The following ADAMTS9 variants were observed in gnomAD, a reference collection of about 807,000 sequenced individuals.
ADAMTS9 encodes ADAM metallopeptidase with thrombospondin type 1 motif 9, also known as A disintegrin and metalloproteinase with thrombospondin motifs 9.
Under a neutral mutation model 257.1 loss-of-function variants are expected in ADAMTS9, and 107 were observed. The ratio of observed to expected loss-of-function variants is 0.42; its 90% confidence interval spans 0.36 to 0.49. ADAMTS9 has a LOEUF of 0.49. ADAMTS9 is among the 20% of genes least tolerant of loss of function. ADAMTS9 has a pLI of 0.03. For missense variants in ADAMTS9, 2,353 were observed against 2,469.1 expected, an observed-to-expected ratio of 0.95 and a Z score of 1.00; for synonymous variants, 982 against 880.9, an observed-to-expected ratio of 1.11 and a Z score of -2.03.
chr3:64,670,710 C>G (rs1396006477), intron 3 of ADAMTS9, among the ~76,000 whole-genome samples: 1 of 152,132 alleles, frequency 6.6e-6, no homozygotes, highest in South Asian at 2.1e-4. Flanking sequence ...GGCTGAAAGA[C>G]TTGAACAGAC....
intron 8 of ADAMTS9, among the ~76,000 whole-genome samples, chr3:64,653,942 G>A (rs943424899): frequency 1.3e-5 from 2 of 151,788 alleles, no homozygotes; most frequent in African/African-American, 4.8e-5. Context: ...GTCTGGATTT[G>A]TAAAAATCTT....
intron 12 of ADAMTS9, among the ~76,000 whole-genome samples, chr3:64,635,573 A>C (rs9837200): frequency 0.53 from 80,673 of 151,956 alleles, 22,640 homozygotes; most frequent in African/African-American, 0.72. Context: ...AATCTCCTTC[A>C]TATCTTGTCC....
In ADAMTS9 at chr3:64,538,828, C is replaced by CT. The variant is rs973059765; in HGVS notation, c.5613+374dup. ...ATTGACAAATGTTACAAAGCAGGAC[C>CT]TTTTTTTTTTAGAAGTGTCAGTCAT... On this transcript the variant is annotated intron_variant, in intron 37 of 39. Coordinates refer to ENST00000498707, the MANE Select transcript of ADAMTS9 (RefSeq NM_182920.2). 1.5e-3 allele frequency among the ~76,000 whole-genome samples: 223 copies of CT among 148,114 alleles called. 1 individual carries two copies. Among genetic ancestry groups the CT allele is most frequent in the Middle Eastern group, 3.5e-3 (1 of 284 alleles).
At chr3:64,655,551 T>A in intron 6 of ADAMTS9, 25 bp downstream of exon 6, 2 of 1,566,972 alleles carry the variant, frequency 1.3e-6, no homozygotes, top group South Asian at 2.2e-5. Context: ...GACTGAAAGA[T>A]CTGAGGAATA....
At chr3:64,659,546 G>A (rs1317578842) in intron 3 of ADAMTS9, among the ~76,000 whole-genome samples, 1 of 151,504 alleles carries the variant, frequency 6.6e-6, no homozygotes, top group African/African-American at 2.4e-5. Context: ...AATACAAAGA[G>A]GTCTGAGAAG....
Position 64,550,963 on chromosome 3 carries a change from G to A in ADAMTS9, c.4798C>T (p.Arg1600Trp), listed in dbSNP as rs746159542. 44 of 1,614,020 alleles carry A rather than the reference G, an allele frequency of 2.7e-5. No homozygotes were observed. Among genetic ancestry groups the A allele is most frequent in the East Asian group, 4.5e-5 (2 of 44,870 alleles). The change falls in exon 31 of 40, where the codon CGG (arginine) becomes TGG (tryptophan). Residue 1600 changes from arginine (R) to tryptophan (W), a missense_variant. By Grantham distance (101) the Arg-to-Trp change is moderately radical. This residue lies in a region of ADAMTS9 where 1,402 missense variants were observed against 1,441.4 expected (regional missense o/e 0.97). Transcript: ENST00000498707. Reference sequence around the variant, plus strand: ...CTACAGCTTTCACGGTCCACCGGCCGCTTGCTCACGTCACAGCGTGCCCCA... The same window carrying A: ...CTACAGCTTTCACGGTCCACCGGCCACTTGCTCACGTCACAGCGTGCCCCA... ...VHGARCDVSKRPVDRESCSLQ... is the reference protein window; with the variant it reads ...VHGARCDVSKWPVDRESCSLQ...
intron 2 of ADAMTS9, among the ~76,000 whole-genome samples, chr3:64,682,989 TAAAAGC>T (rs1241599936): frequency 6.6e-6 from 1 of 152,224 alleles, no homozygotes; most frequent in Non-Finnish European, 1.5e-5. Flanking sequence ...TTTTTTGTTT[TAAAAGC>T]TCTCCACATG....
At chr3:64,637,090 A>G (rs1428972435) in intron 12 of ADAMTS9, among the ~76,000 whole-genome samples, 1 of 152,110 alleles carries the variant, frequency 6.6e-6, no homozygotes, top group Non-Finnish European at 1.5e-5. Context: ...GCAGGTTACA[A>G]TTTCTTCCTT....
At chr3:64,543,498 C>A (rs1215112356) in intron 32 of ADAMTS9, among the ~76,000 whole-genome samples, 1 of 152,218 alleles carries the variant, frequency 6.6e-6, no homozygotes, top group African/African-American at 2.4e-5. Context: ...ATCATACGAA[C>A]AGAACCAAAC....
At chr3:64,643,886 G>A (rs980931483) in intron 11 of ADAMTS9, among the ~76,000 whole-genome samples, 1 of 151,936 alleles carries the variant, frequency 6.6e-6, no homozygotes, top group Admixed American at 6.6e-5. Context: ...CACGTGGCTG[G>A]TGGCCACCAT....
chr3:64,551,430 C>G (rs566687448), intron 30 of ADAMTS9, among the ~76,000 whole-genome samples: 2 of 152,050 alleles, frequency 1.3e-5, no homozygotes, highest in Non-Finnish European at 2.9e-5. Context: ...AGGATGATCT[C>G]GATCTCCTGA....
intron 18 of ADAMTS9, among the ~76,000 whole-genome samples, chr3:64,621,923 T>C (rs945528199): frequency 2.6e-5 from 4 of 152,020 alleles, no homozygotes; most frequent in East Asian, 1.9e-4. Context: ...ACTAAAACCA[T>C]GCTCTGGAAA....
At chr3:64,567,763 T>G (rs904358376) in intron 29 of ADAMTS9, among the ~76,000 whole-genome samples, 1 of 151,540 alleles carries the variant, frequency 6.6e-6, no homozygotes, top group African/African-American at 2.4e-5. Flanking sequence ...GAGAGCCTAC[T>G]AGATTGAAGA....
rs552385440 is a variant in ADAMTS9 at position 64,620,010 on chromosome 3, CT to C, written c.2813+1103del. ...AGTATAAACGTCTGCCTTTTAATGT[CT>C]TCCTGTTTTTTTTTTTTTACAATGA... On this transcript the variant is annotated intron_variant, in intron 19 of 39. Coordinates refer to ENST00000498707, the MANE Select transcript of ADAMTS9 (RefSeq NM_182920.2). Among the ~76,000 whole-genome samples, 307 of 151,326 alleles carry C rather than the reference CT, an allele frequency of 2.0e-3. 4 individuals carry two copies. Among genetic ancestry groups the C allele is most frequent in the African/African-American group, 6.9e-3 (287 of 41,326 alleles).
At chr3:64,642,659 G>C (rs1278935108) in intron 11 of ADAMTS9, among the ~76,000 whole-genome samples, 3 of 152,214 alleles carry the variant, frequency 2.0e-5, no homozygotes, top group African/African-American at 7.2e-5. Flanking sequence ...CAGGACAAGG[G>C]AGGAGAGAAG....
intron 22 of ADAMTS9, among the ~76,000 whole-genome samples, chr3:64,607,730 C>A (rs936676217): frequency 1.3e-5 from 2 of 152,110 alleles, no homozygotes; most frequent in Non-Finnish European, 2.9e-5. Flanking sequence ...CTGGAATCAA[C>A]TTTTTGGAAC....
intron 10 of ADAMTS9, among the ~76,000 whole-genome samples, chr3:64,649,318 A>G (rs983629262): frequency 6.6e-6 from 1 of 152,174 alleles, no homozygotes; most frequent in African/African-American, 2.4e-5. Flanking sequence ...GAGAGAAAAA[A>G]GCTGAGCTCT....
chr3:64,621,252 G>C lies in ADAMTS9; in HGVS notation c.2687-12C>G, dbSNP rs746900057. 1 of 1,601,604 alleles carries C rather than the reference G, an allele frequency of 6.2e-7. No homozygotes were observed. Among genetic ancestry groups the C allele is most frequent in the Non-Finnish European group, 8.5e-7 (1 of 1,175,986 alleles). ...TCGTTTCCGTTCCCCTAAGCAGAAAGGGAAAAAAAATTATTCAGGGAAAAT... is the reference window on the plus strand; with the variant it reads ...TCGTTTCCGTTCCCCTAAGCAGAAACGGAAAAAAAATTATTCAGGGAAAAT... On this transcript the variant is annotated splice_polypyrimidine_tract_variant and intron_variant, in intron 18 of 39. Coordinates refer to ENST00000498707, the MANE Select transcript of ADAMTS9 (RefSeq NM_182920.2).
At chr3:64,572,801 C>T (rs912560652) in intron 28 of ADAMTS9, among the ~76,000 whole-genome samples, 37 of 151,796 alleles carry the variant, frequency 2.4e-4, no homozygotes, top group African/African-American at 7.5e-4. Flanking sequence ...CAGGGGCGGC[C>T]GGGTGCGGTG....
Sources: gnomAD v4.1 joint callset for allele counts (sites outside exome capture counted in the v4.1 genomes callset) on GRCh38, gnomAD v4.1.1 for gene constraint, gnomAD v4.1.1 regional missense constraint, MANE v1.5 for transcripts, NCBI Gene and HGNC (gene_info 2026-07-23, HGNC 2026-07-21) for gene names.